Variants in RHBG observed in about 807,000 individuals in gnomAD.
RHBG encodes ammonium transporter Rh type B.
RHBG carries 39 observed loss-of-function variants against 40.1 expected under a neutral mutation model. The ratio of observed to expected loss-of-function variants is 0.97; its 90% confidence interval spans 0.75 to 1.27. RHBG has a LOEUF of 1.27. Among genes scored for constraint, RHBG ranks in the 50% most tolerant of loss-of-function variants. The pLI, the probability that RHBG is intolerant of heterozygous loss-of-function variation, is 0.00. For missense variants in RHBG, 549 were observed against 588.1 expected, an observed-to-expected ratio of 0.93 and a Z score of 0.69; for synonymous variants, 237 against 252.5, an observed-to-expected ratio of 0.94 and a Z score of 0.58.
chr1:156,378,008 T>C lies in RHBG; in HGVS notation c.393T>C (p.Phe131=). 3 of 1,551,140 alleles carry C rather than the reference T, an allele frequency of 1.9e-6. No homozygotes were observed. The highest frequency in any genetic ancestry group is 1.2e-5 in the South Asian group (1 of 80,670). Residue 131 remains phenylalanine, a synonymous_variant, in exon 3 of 10, where the codon TTT becomes TTC. Transcript: ENST00000537040. ...TCCCCAGCATGATCAATGCTGACTTTTGTGCGGGGGCCGTGCTCATCTCCT... is the reference window on the plus strand; with the variant it reads ...TCCCCAGCATGATCAATGCTGACTTCTGTGCGGGGGCCGTGCTCATCTCCT... ...VGVESMINAD[F]CAGAVLISFG... is the part of the protein sequence containing the mutation.
At chr1:156,382,701 C>T (rs1667743782) in intron 7 of RHBG, 47 bp from the exon 8 acceptor site, 1 of 1,609,094 alleles carries the variant, frequency 6.2e-7, no homozygotes, top group Non-Finnish European at 8.5e-7. Flanking sequence ...GGGCTGCATC[C>T]CTCTCTCTCC....
At position 156,382,794 on chromosome 1, in the gene RHBG, A is replaced by G. The variant is rs1667755007; in HGVS notation, c.1159A>G (p.Thr387Ala). The change falls in exon 8 of 10, where the codon ACG (threonine) becomes GCG (alanine). Residue 387 changes from threonine (T) to alanine (A), a missense_variant. By Grantham distance (58) the Thr-to-Ala change is moderately conservative. Coordinates refer to ENST00000537040, the MANE Select transcript of RHBG (RefSeq NM_020407.5). ...PLIAEGQRSA[T>A]SQAMHQLFGL... ...CATAGCCGAGGGCCAGCGCAGTGCC[A>G]CGTCACAGGCCATGCACCAGCTCTT... 6.2e-7 allele frequency: 1 copy of G among 1,614,036 alleles called. No individual in the cohort carries two copies. The highest frequency in any genetic ancestry group is 1.3e-5 in the African/African-American group (1 of 74,914).
chr1:156,375,878 T>A (rs1667157469), intron 1 of RHBG, among the ~76,000 whole-genome samples: 1 of 152,050 alleles, frequency 6.6e-6, no homozygotes, highest in African/African-American at 2.4e-5. Flanking sequence ...TAGCTGGGAC[T>A]ACAGGCACAT....
intron 1 of RHBG, chr1:156,371,107 C>A: frequency 4.8e-6 from 2 of 420,240 alleles, no homozygotes; most frequent in Non-Finnish European, 4.6e-6. Context: ...CAAACAAGGC[C>A]TAGAGTGTGA....
At position 156,377,372 on chromosome 1, in the gene RHBG, T is replaced by C. The variant is rs993336488; in HGVS notation, c.259T>C (p.Phe87Leu). 2.5e-6 allele frequency: 4 copies of C among 1,614,116 alleles called. No individual in the cohort carries two copies. Among genetic ancestry groups the C allele is most frequent in the Middle Eastern group, 1.6e-4 (1 of 6,062 alleles). The change falls in exon 2 of 10, where the codon TTC becomes CTC. Residue 87 changes from phenylalanine (F) to leucine (L), a missense_variant. Around this residue, in one of 3 missense-constraint regions of RHBG, gnomAD observed 51 missense variants for 85.9 expected, o/e 0.59. Transcript: ENST00000537040. This position sits in a 1 kb window ranked among gnomAD's most constrained non-coding sequence, Gnocchi z 4.6. ...CATGGTCTTCCTGCAGCGTTACGGC[T>C]TCAGCAGCGTGGGCTTCACCTTCCT... ...FLMVFLQRYG[F>L]SSVGFTFLLA...
intron 1 of RHBG, chr1:156,374,650 A>G (rs1247686405): frequency 1.2e-5 from 5 of 409,112 alleles, no homozygotes; most frequent in South Asian, 7.2e-5. Flanking sequence ...GCAATGGCAC[A>G]ATCTCGGCTC....
intron 8 of RHBG, among the ~76,000 whole-genome samples, chr1:156,383,330 C>T (rs557695142): frequency 6.6e-6 from 1 of 152,326 alleles, no homozygotes; most frequent in East Asian, 1.9e-4. Flanking sequence ...TCTTTTTGGC[C>T]TTCAAAATAA....
At chr1:156,382,616 A>G (rs1192446729) in intron 7 of RHBG, 132 bp from the exon 8 acceptor site, 2 of 1,118,432 alleles carry the variant, frequency 1.8e-6, no homozygotes, top group Admixed American at 1.9e-5. Flanking sequence ...TCAGCCTGGC[A>G]TGCACCCTCG....
At position 156,381,490 on chromosome 1, in the gene RHBG, G is replaced by A. The variant is rs2101799983; in HGVS notation, c.817G>A (p.Gly273Arg). ...LGTFALSALV[G>R]EDGRLDMVHI... ...CACCTTTGCCTTGTCAGCCCTTGTA[G>A]GGGAAGATGGGAGGCTTGACATGGT... The change falls in exon 5 of 10, where the codon GGG becomes AGG. Residue 273 changes from glycine to arginine, a missense_variant. Physicochemically the swap from Gly to Arg is moderately radical, Grantham distance 125. Around this residue, in one of 3 missense-constraint regions of RHBG, gnomAD observed 399 missense variants for 417.0 expected, o/e 0.96. Coordinates refer to ENST00000537040, the MANE Select transcript of RHBG (RefSeq NM_020407.5). The A allele has an allele frequency of 6.2e-7, 1 of 1,612,242 alleles. No individual in the cohort carries two copies.
chr1:156,383,569 C>A (rs1177646256), intron 8 of RHBG, among the ~76,000 whole-genome samples: 1 of 151,360 alleles, frequency 6.6e-6, no homozygotes, highest in African/African-American at 2.4e-5. Flanking sequence ...AGCCACCGTG[C>A]CTGGCCTAGA....
chr1:156,384,828 G>A lies in RHBG; in HGVS notation c.1360G>A (p.Ala454Thr). The change falls in exon 10 of 10, where the codon GCA becomes ACA. Residue 454 changes from alanine (A) to threonine (T), a missense_variant. Coordinates refer to ENST00000537040, the MANE Select transcript of RHBG (RefSeq NM_020407.5). ...KAQRPLRVEE[A>T]DTQA The stretch of plus-strand genomic sequence containing the variant: ...CCAGAGACCTCTGAGGGTGGAGGAG[G>A]CAGACACTCAGGCCTAACCCACTGC... 1.9e-6 allele frequency: 3 copies of A among 1,612,968 alleles called. No homozygotes were observed. The highest frequency in any genetic ancestry group is 2.5e-6 in the Non-Finnish European group (3 of 1,179,252).
rs1247907860 is a variant in RHBG, at chr1:156,377,666, C to T, written c.374+179C>T. Among the ~76,000 whole-genome samples, 2 of 152,234 alleles carry T rather than the reference C, an allele frequency of 1.3e-5. No homozygotes were observed. Among genetic ancestry groups the T allele is most frequent in the African/African-American group, 4.8e-5 (2 of 41,462 alleles). On this transcript the variant is annotated intron_variant, in intron 2 of 9. Transcript: ENST00000537040. This position sits in a 1 kb window ranked among gnomAD's most constrained non-coding sequence, Gnocchi z 4.6. ...CTGACTTCCTCTCCCATCCTTGACC[C>T]TCACACTCAGCTCCACCTCCTCAGT...
chr1:156,382,288 A>G lies in RHBG; in HGVS notation c.1112+87A>G, dbSNP rs1335274190. On this transcript the variant is annotated intron_variant, in intron 7 of 9. Coordinates refer to ENST00000537040, the MANE Select transcript of RHBG (RefSeq NM_020407.5). ...CTTTCACTGTGTGTGACCAAGAAAA[A>G]AGAATGAATTCATTCATTCATCCAT... 4.4e-6 allele frequency: 7 copies of G among 1,587,342 alleles called. No homozygotes were observed. In the African/African-American group the frequency reaches 6.7e-5, roughly 15 times the overall value.
intron 1 of RHBG, among the ~76,000 whole-genome samples, chr1:156,374,156 C>T (rs565027045): frequency 6.6e-6 from 1 of 152,206 alleles, no homozygotes; most frequent in South Asian, 2.1e-4. Context: ...GGAGCGCGAA[C>T]CCTATTGCGA....
intron 4 of RHBG, 100 bp downstream of exon 4, chr1:156,378,499 G>A (rs1667393081): frequency 1.4e-6 from 2 of 1,402,152 alleles, no homozygotes; most frequent in Non-Finnish European, 1.9e-6. Context: ...GCAGTCCTGG[G>A]GTTGTGGGCA....
chr1:156,373,445 G>T (rs1666983692), intron 1 of RHBG, among the ~76,000 whole-genome samples: 10 of 141,360 alleles, frequency 7.1e-5, no homozygotes, highest in Admixed American at 7.0e-4. Flanking sequence ...AAAAGTGTAT[G>T]GATTTGGTGG....
intron 4 of RHBG, among the ~76,000 whole-genome samples, chr1:156,378,932 A>T (rs1667421412): frequency 6.6e-6 from 1 of 150,698 alleles, no homozygotes. Flanking sequence ...GTGTTGGGTC[A>T]CCCCAGGGAC....
chr1:156,369,365 A>G lies in RHBG; in HGVS notation c.116A>G (p.Lys39Arg), dbSNP rs1666685825. 1 of 1,613,954 alleles carries G rather than the reference A, an allele frequency of 6.2e-7. No homozygotes were observed. Among genetic ancestry groups the G allele is most frequent in the African/African-American group, 1.3e-5 (1 of 74,882 alleles). The change falls in exon 1 of 10, where the codon AAA becomes AGA. Residue 39 changes from lysine (K) to arginine (R), a missense_variant. Lys to Arg is a conservative substitution (Grantham distance 26, BLOSUM62 2). Transcript: ENST00000537040. ...LFAVFVRYNHKTDAALWHRSN... is the reference protein window; with the variant it reads ...LFAVFVRYNHRTDAALWHRSN... ...GCTGTCTTTGTCCGCTACAACCACA[A>G]AACCGACGCTGCCCTCTGGCACCGG...
At position 156,378,160 on chromosome 1, in the gene RHBG, T is replaced by G. The variant is rs1667351183; in HGVS notation, c.525+20T>G. On this transcript the variant is annotated intron_variant, in intron 3 of 9. Transcript: ENST00000537040. Reference sequence around the variant, plus strand: ...CTGGGGGTGAGAGTCTGGGGAGGGATGGAGTCGGGGGTGGGGGGTGGTCAA... The same window carrying G: ...CTGGGGGTGAGAGTCTGGGGAGGGAGGGAGTCGGGGGTGGGGGGTGGTCAA... 1 of 942,792 alleles carries G rather than the reference T, an allele frequency of 1.1e-6. No individual in the cohort carries two copies. The allele number at this position is 942,792 out of a possible 1,614,324, so 58.4% of individuals were successfully genotyped here. A position where few individuals can be genotyped will look rare whatever the true frequency, so the allele number is the denominator to read the frequency against.
Sources: allele counts gnomAD v4.1 joint callset (sites outside exome capture counted in the v4.1 genomes callset), GRCh38; gene constraint gnomAD v4.1.1; regional missense constraint gnomAD v4.1.1; non-coding constraint Gnocchi (gnomAD v3.1); transcripts MANE v1.5; gene names NCBI Gene and HGNC (gene_info 2026-07-23, HGNC 2026-07-21).